Variants in TTLL12 observed in about 807,000 individuals in gnomAD.
TTLL12 encodes tubulin tyrosine ligase like 12.
In TTLL12, 77 loss-of-function variants were observed where a neutral mutation model predicts 79.6. That is an observed-to-expected ratio of 0.97 (90% CI 0.81 to 1.17). TTLL12 has a LOEUF of 1.17. TTLL12 is among the 50% of genes most tolerant of loss of function. The probability of loss-of-function intolerance (pLI) is 0.00; values close to 1 mark genes in which losing one functional copy is unlikely to be tolerated. For synonymous variants in TTLL12, 437 were observed against 376.1 expected (o/e 1.16, Z -1.87); for missense variants, 969 against 895.9 (o/e 1.08, Z -1.04).
rs770133802 is a variant in TTLL12 at position 43,174,264 on chromosome 22, T to C, written c.1174A>G (p.Asn392Asp). 4.4e-5 allele frequency: 71 copies of C among 1,610,120 alleles called. No individual in the cohort carries two copies. The highest frequency in any genetic ancestry group is 5.9e-5 in the Non-Finnish European group (70 of 1,179,812). ...AACTGGGGCAGCTCAGTGCGCAGGT[T>C]GAAGGTTCGGGGCAGCCAGGGTGGG... ...EGPPWLPRTF[N>D]LRTELPQFVS... Residue 392 changes from asparagine (N) to aspartate (D), a missense_variant, in exon 8 of 14, where the codon AAC (asparagine) becomes GAC (aspartate). Coordinates refer to ENST00000216129, the MANE Select transcript of TTLL12 (RefSeq NM_015140.4).
chr22:43,173,830 G>C lies in TTLL12; in HGVS notation c.1230-4C>G, dbSNP rs185725794. On this transcript the variant is annotated splice_polypyrimidine_tract_variant and splice_region_variant and intron_variant, in intron 8 of 13. Coordinates refer to ENST00000216129, the MANE Select transcript of TTLL12 (RefSeq NM_015140.4). ...GATCCAGTGGTTGTCCTCGCCCCTG[G>C]GGAGCAGAAGGGCTGTCTGGGGGGC... 608 of 1,600,938 alleles carry C rather than the reference G, an allele frequency of 3.8e-4. No homozygotes were observed. The highest frequency in any genetic ancestry group is 4.9e-4 in the Non-Finnish European group (575 of 1,179,418).
At chr22:43,172,905 C>T (rs1931803610) in intron 9 of TTLL12, among the ~76,000 whole-genome samples, 1 of 152,130 alleles carries the variant, frequency 6.6e-6, no homozygotes, top group African/African-American at 2.4e-5. Flanking sequence ...TCCATGTTGG[C>T]CAGGCTGGTT....
chr22:43,171,854 C>T lies in TTLL12; in HGVS notation c.1540G>A (p.Val514Ile), dbSNP rs1275545820. ...ACCACATCCGGGTCATAGTTCATGA[C>T]CGTGAAGTGCTTCTCGTAGTCATCC... ...DLDDYEKHFT[V>I]MNYDPDVVLK... Residue 514 changes from valine to isoleucine, a missense_variant, in exon 11 of 14, where the codon GTC becomes ATC. Physicochemically the swap from Val to Ile is conservative, Grantham distance 29 (BLOSUM62 3). Coordinates refer to ENST00000216129, the MANE Select transcript of TTLL12 (RefSeq NM_015140.4). 2.5e-6 allele frequency: 4 copies of T among 1,614,198 alleles called. No individual in the cohort carries two copies. Among genetic ancestry groups the T allele is most frequent in the East Asian group, 4.5e-5 (2 of 44,880 alleles).
rs1219697882 is a variant in TTLL12, at chr22:43,187,060, C to T, written c.10G>A (p.Glu4Lys). Reference sequence around the variant, plus strand: ...GCAGGCCGGCGCTCGGGACCCCGCTCGGCCTCCATGGCGCCAGCACCCGCG... The same window carrying T: ...GCAGGCCGGCGCTCGGGACCCCGCTTGGCCTCCATGGCGCCAGCACCCGCG... MEA[E>K]RGPERRPAER... The change falls in exon 1 of 14, where the codon GAG becomes AAG. Residue 4 changes from glutamate (E) to lysine (K), a missense_variant. By Grantham distance (56) the Glu-to-Lys change is moderately conservative. Transcript: ENST00000216129. 1.7e-6 allele frequency: 2 copies of T among 1,181,848 alleles called. No individual in the cohort carries two copies. Among genetic ancestry groups the T allele is most frequent in the African/African-American group, 3.2e-5 (2 of 61,956 alleles). 73.2% of individuals were successfully genotyped at this position (1,181,848 alleles called of 1,614,324 possible).
At chr22:43,180,325 G>A (rs1932023521) in intron 3 of TTLL12, among the ~76,000 whole-genome samples, 1 of 152,150 alleles carries the variant, frequency 6.6e-6, no homozygotes, top group East Asian at 1.9e-4. Flanking sequence ...TTGAGCTCAG[G>A]GAAGGGTCCC....
chr22:43,186,195 C>T lies in TTLL12; in HGVS notation c.177+698G>A, dbSNP rs75070617. ...GGTCCCAGCTAAAGAAAACACCCCC[C>T]CCCCCGCCAGCCCGGGAAGGTGCTG... On this transcript the variant is annotated intron_variant, in intron 1 of 13. Transcript: ENST00000216129. Among the ~76,000 whole-genome samples the T allele has an allele frequency of 2.0e-5, 3 of 147,950 alleles. No individual in the cohort carries two copies. The East Asian group carries it at 5.9e-4, about 29-fold the overall frequency.
chr22:43,186,927 T>A lies in TTLL12; in HGVS notation c.143A>T (p.Tyr48Phe), dbSNP rs1422862559. 1 of 1,360,572 alleles carries A rather than the reference T, an allele frequency of 7.3e-7. No homozygotes were observed. Among genetic ancestry groups the A allele is most frequent in the African/African-American group, 1.5e-5 (1 of 64,528 alleles). The allele number at this position is 1,360,572 out of a possible 1,614,324, so 84.3% of individuals were successfully genotyped here. The change falls in exon 1 of 14, where the codon TAC becomes TTC. Residue 48 changes from tyrosine (Y) to phenylalanine (F), a missense_variant. Physicochemically the swap from Tyr to Phe is conservative, Grantham distance 22 (BLOSUM62 3). Transcript: ENST00000216129. Reference sequence around the variant, plus strand: ...CAGCTTGTGCAGGAGGCGGCCCCAGTAACGTTCGGGGACCCCCGAAGCGCG... The same window carrying A: ...CAGCTTGTGCAGGAGGCGGCCCCAGAAACGTTCGGGGACCCCCGAAGCGCG... Reference protein sequence around the residue: ...ALRASGVPERYWGRLLHKLEH... With the variant: ...ALRASGVPERFWGRLLHKLEH...
At chr22:43,169,364 G>T in intron 12 of TTLL12, 136 bp downstream of exon 12, 2 of 752,424 alleles carry the variant, frequency 2.7e-6, no homozygotes. Flanking sequence ...GCCAGCCTCT[G>T]GGGAGAATGA....
chr22:43,172,633 G>A, intron 9 of TTLL12, 79 bp from the exon 10 acceptor site: 2 of 1,539,218 alleles, frequency 1.3e-6, no homozygotes, highest in Non-Finnish European at 1.8e-6. Flanking sequence ...GCCACGCAGG[G>A]GGCACAGACA....
At chr22:43,183,197 C>G (rs781297610) in intron 1 of TTLL12, 48 bp from the exon 2 acceptor site, 108 of 1,604,394 alleles carry the variant, frequency 6.7e-5, no homozygotes, top group Non-Finnish European at 8.3e-5. Context: ...GGAGACCCCA[C>G]CCCAATGCCT....
At chr22:43,171,488 G>A in intron 11 of TTLL12, 1 of 265,912 alleles carries the variant, frequency 3.8e-6, no homozygotes, top group Non-Finnish European at 7.5e-6. Flanking sequence ...AGGGTGGTCT[G>A]CTTTTCCGGT....
At chr22:43,182,221 C>T (rs534542160) in intron 2 of TTLL12, among the ~76,000 whole-genome samples, 2 of 152,328 alleles carry the variant, frequency 1.3e-5, no homozygotes, top group African/African-American at 2.4e-5. Flanking sequence ...GGGCCTGAGC[C>T]GCACAGGAGA....
At chr22:43,186,157 G>C (rs1932177079) in intron 1 of TTLL12, 2 of 228,806 alleles carry the variant, frequency 8.7e-6, no homozygotes, top group Non-Finnish European at 1.4e-5. Flanking sequence ...GACAGCACCT[G>C]GAGGAGATGT....
At chr22:43,173,582 A>C in intron 9 of TTLL12, 133 bp downstream of exon 9, 1 of 751,716 alleles carries the variant, frequency 1.3e-6, no homozygotes, top group Non-Finnish European at 2.1e-6. Context: ...CAGAGTGCTG[A>C]GATTACAGGT....
Position 43,171,874 on chromosome 22 carries a change from T to C in TTLL12, c.1520A>G (p.Asp507Gly), listed in dbSNP as rs770291460. 12 of 1,614,060 alleles carry C rather than the reference T, an allele frequency of 7.4e-6. No individual in the cohort carries two copies. The highest frequency in any genetic ancestry group is 1.7e-5 in the Admixed American group (1 of 60,008). Residue 507 changes from aspartate (D) to glycine (G), a missense_variant, in exon 11 of 14, where the codon GAC (aspartate) becomes GGC (glycine). By Grantham distance (94) the Asp-to-Gly change is moderately conservative. Transcript: ENST00000216129. ...NRAFALNDLD[D>G]YEKHFTVMNY... The stretch of plus-strand genomic sequence containing the variant: ...CATGACCGTGAAGTGCTTCTCGTAG[T>C]CATCCAGGTCGTTGAGTGCAAAGGC...
chr22:43,177,172 A>G (rs556008538), intron 5 of TTLL12, among the ~76,000 whole-genome samples: 50 of 152,216 alleles, frequency 3.3e-4, no homozygotes, highest in African/African-American at 8.4e-4. Context: ...GTGTAGGACC[A>G]GCCTGGGCAA....
chr22:43,174,070 G>C lies in TTLL12; in HGVS notation c.1229+139C>G. 2.0e-5 allele frequency: 24 copies of C among 1,210,652 alleles called. No individual in the cohort carries two copies. The South Asian group carries it at 3.3e-4, about 17-fold the overall frequency. 75.0% of individuals were successfully genotyped at this position (1,210,652 alleles called of 1,614,324 possible). The stretch of plus-strand genomic sequence containing the variant: ...GAGAGGTCCTGCGGTCCGTGAAGAC[G>C]GCCGTGACGTTCGGGGCCCACAGCT... On this transcript the variant is annotated intron_variant, in intron 8 of 13. Coordinates refer to ENST00000216129, the MANE Select transcript of TTLL12 (RefSeq NM_015140.4).
intron 8 of TTLL12, 77 bp downstream of exon 8, chr22:43,174,132 T>C: frequency 6.6e-6 from 10 of 1,520,308 alleles, no homozygotes; most frequent in African/African-American, 1.4e-5. Context: ...TGGGTGCTCA[T>C]GGAGGAGCAG....
At chr22:43,182,381 T>C (rs1355993916) in intron 2 of TTLL12, among the ~76,000 whole-genome samples, 1 of 152,220 alleles carries the variant, frequency 6.6e-6, no homozygotes, top group East Asian at 1.9e-4. Flanking sequence ...ACCAGACCCC[T>C]GCCCAAAGAG....
Sources: allele counts gnomAD v4.1 joint callset (sites outside exome capture counted in the v4.1 genomes callset), GRCh38; gene constraint gnomAD v4.1.1; transcripts MANE v1.5; gene names NCBI Gene and HGNC (gene_info 2026-07-23, HGNC 2026-07-21).